RBFOX1: variants seen among roughly 807,000 people sequenced by gnomAD.
RBFOX1 encodes RNA binding protein fox-1 homolog 1.
In RBFOX1, 8 loss-of-function variants were observed where a neutral mutation model predicts 57.7. The observed-to-expected ratio is 0.14, with a 90% confidence interval of 0.08 to 0.25. The LOEUF (loss-of-function observed/expected upper bound fraction) is 0.25, where lower values mean the gene tolerates loss of function less well. Ranked by LOEUF, RBFOX1 falls within the 10% of genes least tolerant of loss-of-function variation. The pLI is 1.00. For synonymous variants in RBFOX1, 326 were observed against 222.4 expected, an observed-to-expected ratio of 1.47 and a Z score of -4.15; for missense variants, 611 against 548.5, an observed-to-expected ratio of 1.11 and a Z score of -1.14.
rs548212676 is a variant in RBFOX1 at position 7,531,887 on chromosome 16, C to A, written c.270+13498C>A. Among the ~76,000 whole-genome samples, 78 of 152,234 alleles carry A rather than the reference C, an allele frequency of 5.1e-4. 1 individual carries two copies. The highest frequency in any genetic ancestry group is 3.4e-3 in the Middle Eastern group (1 of 294). ...TTATACAACTAAACCCACACACATCCTTCCCATCCCTAACCCATCCCCTTC... is the reference window on the plus strand; with the variant it reads ...TTATACAACTAAACCCACACACATCATTCCCATCCCTAACCCATCCCCTTC... On this transcript the variant is annotated intron_variant, in intron 5 of 15. Transcript: ENST00000550418.
intron 2 of RBFOX1, among the ~76,000 whole-genome samples, chr16:6,506,840 G>T (rs905503271): frequency 1.2e-4 from 18 of 151,980 alleles, no homozygotes; most frequent in African/African-American, 1.9e-4. Flanking sequence ...TAGAGAGAGG[G>T]TTTGGCCATG....
chr16:5,913,902 C>T (rs971873174), intron 4 of RBFOX1, among the ~76,000 whole-genome samples: 7 of 152,334 alleles, frequency 4.6e-5, no homozygotes, highest in South Asian at 2.1e-4. Flanking sequence ...TTTACACCAA[C>T]GCTAAGAGGT....
chr16:6,188,352 A>T (rs558870488), intron 1 of RBFOX1, among the ~76,000 whole-genome samples: 29 of 151,094 alleles, frequency 1.9e-4, no homozygotes, highest in African/African-American at 6.8e-4. Context: ...AATTTTCTCC[A>T]GAAGACCAAG....
intron 1 of RBFOX1, among the ~76,000 whole-genome samples, chr16:6,242,276 C>G (rs552557442): frequency 2.6e-5 from 4 of 152,288 alleles, no homozygotes; most frequent in African/African-American, 7.2e-5. Flanking sequence ...CATATCCAAG[C>G]TCACTGCCTT....
At chr16:7,225,905 A>AATAAATATATATATAT (rs66510060) in intron 4 of RBFOX1, among the ~76,000 whole-genome samples, 2 of 93,738 alleles carry the variant, frequency 2.1e-5, no homozygotes, top group East Asian at 2.2e-4. Flanking sequence ...AAGTATAATA[A>AATAAATATATATATAT]ATATATATAT....
intron 3 of RBFOX1, among the ~76,000 whole-genome samples, chr16:6,794,306 T>A (rs925767632): frequency 3.1e-5 from 4 of 127,816 alleles, no homozygotes; most frequent in African/African-American, 1.1e-4. Flanking sequence ...TTTTTTACAA[T>A]GAAGGCATTC....
intron 3 of RBFOX1, among the ~76,000 whole-genome samples, chr16:7,048,887 C>CTTGTTGCAT (rs1200963931): frequency 3.9e-5 from 6 of 152,124 alleles, no homozygotes; most frequent in Non-Finnish European, 7.4e-5. Context: ...AGCAATCAAT[C>CTTGTTGCAT]TTGTTGCATT....
chr16:6,192,780 G>A (rs1317398272), intron 1 of RBFOX1, among the ~76,000 whole-genome samples: 2 of 152,132 alleles, frequency 1.3e-5, no homozygotes, highest in African/African-American at 2.4e-5. Flanking sequence ...CATGTGAAAT[G>A]CTTAGCACAG....
chr16:5,441,061 C>G (rs899958068), intron 1 of RBFOX1, among the ~76,000 whole-genome samples: 1 of 152,178 alleles, frequency 6.6e-6, no homozygotes, highest in African/African-American at 2.4e-5. Context: ...TCCAGGGTCA[C>G]AGTGCCTTGA....
chr16:5,645,103 G>C (rs1487894516), intron 3 of RBFOX1, among the ~76,000 whole-genome samples: 2 of 151,368 alleles, frequency 1.3e-5, no homozygotes, highest in African/African-American at 4.9e-5. Flanking sequence ...AAATAAAAAT[G>C]TTGAGTGTGG....
intron 4 of RBFOX1, among the ~76,000 whole-genome samples, chr16:7,460,940 C>A (rs1252880588): frequency 6.6e-6 from 1 of 152,026 alleles, no homozygotes; most frequent in Non-Finnish European, 1.5e-5. Context: ...ATTTTGAGAC[C>A]CATCAACATG....
intron 1 of RBFOX1, among the ~76,000 whole-genome samples, chr16:6,180,054 A>G (rs2097050293): frequency 6.6e-6 from 1 of 152,152 alleles, no homozygotes; most frequent in Admixed American, 6.6e-5. Flanking sequence ...ATCTTCTTGA[A>G]GATGTTTGCA....
chr16:7,453,089 A>G (rs1045449432), intron 4 of RBFOX1, among the ~76,000 whole-genome samples: 1 of 149,268 alleles, frequency 6.7e-6, no homozygotes. Context: ...AGATCGCACC[A>G]CTGCACTCCA....
chr16:7,507,441 T>C (rs748253641), intron 4 of RBFOX1, among the ~76,000 whole-genome samples: 26 of 152,086 alleles, frequency 1.7e-4, no homozygotes, highest in Non-Finnish European at 3.1e-4. Context: ...TTCTCCAGGA[T>C]TGTGTATCAG....
chr16:5,891,568 A>G (rs1001161174), intron 4 of RBFOX1, among the ~76,000 whole-genome samples: 2 of 152,058 alleles, frequency 1.3e-5, no homozygotes, highest in African/African-American at 4.8e-5. Flanking sequence ...AATTGGATGG[A>G]TGAGGTGGCA....
chr16:5,852,459 C>G (rs1171560187), intron 3 of RBFOX1, among the ~76,000 whole-genome samples: 1 of 152,198 alleles, frequency 6.6e-6, no homozygotes, highest in African/African-American at 2.4e-5. Flanking sequence ...CTTGCACACC[C>G]TGAAGCATGC....
intron 4 of RBFOX1, among the ~76,000 whole-genome samples, chr16:7,120,281 T>TA (rs71147656): frequency 6.6e-6 from 1 of 151,608 alleles, no homozygotes; most frequent in South Asian, 2.1e-4. Context: ...AAGAGACTAT[T>TA]AAAAAAAGCA....
intron 4 of RBFOX1, among the ~76,000 whole-genome samples, chr16:7,403,024 A>T (rs949086251): frequency 6.6e-6 from 1 of 152,216 alleles, no homozygotes; most frequent in African/African-American, 2.4e-5. Flanking sequence ...TTCACGATGC[A>T]GTTGTGGAAT....
intron 3 of RBFOX1, among the ~76,000 whole-genome samples, chr16:6,923,273 C>G (rs904729777): frequency 6.6e-6 from 1 of 152,136 alleles, no homozygotes; most frequent in East Asian, 1.9e-4. Context: ...GTGGCTCATG[C>G]CTATAATCCC....
Sources: allele counts gnomAD v4.1 joint callset (sites outside exome capture counted in the v4.1 genomes callset), GRCh38; gene constraint gnomAD v4.1.1; transcripts MANE v1.5; gene names NCBI Gene and HGNC (gene_info 2026-07-23, HGNC 2026-07-21).